The following HCFC1 variants were observed in gnomAD, a reference collection of about 807,000 sequenced individuals.
HCFC1 encodes host cell factor 1.
HCFC1 carries 7 observed loss-of-function variants against 105.5 expected under a neutral mutation model. The observed-to-expected ratio is 0.07, with a 90% CI of 0.04 to 0.12. The LOEUF (loss-of-function observed/expected upper bound fraction) is 0.12, where lower values mean the gene tolerates loss of function less well. Among genes scored for constraint, HCFC1 ranks in the 10% least tolerant of loss-of-function variants. HCFC1 has a pLI of 1.00. For synonymous variants in HCFC1, 918 were observed against 828.1 expected (o/e 1.11, Z -1.86); for missense variants, 1,065 against 1,823.6 (o/e 0.58, Z 7.58).
chrX:153,951,887 G>C lies in HCFC1; in HGVS notation c.5214C>G (p.Gly1738=), dbSNP rs1285115874. The C allele has an allele frequency of 8.4e-7, 1 of 1,194,214 alleles. No individual in the cohort carries two copies. The highest frequency in any genetic ancestry group is 1.1e-6 in the Non-Finnish European group (1 of 885,371). ...GCAGCGCCACAGTGCTGGGGACCGT[G>C]CCGGCCAGCTCATTGAGGCAATTGC... The part of the protein sequence containing the change: ...IESNCLNELA[G]TVPSTVALLP... The change falls in exon 20 of 26, where the codon GGC becomes GGG. Residue 1738 remains glycine (G), a synonymous_variant. Transcript: ENST00000310441.
intron 10 of HCFC1, 125 bp downstream of exon 10, chrX:153,958,444 G>A (rs782434902): frequency 4.2e-5 from 30 of 722,885 alleles, no homozygotes; most frequent in Non-Finnish European, 6.1e-5. Context: ...GCTCTCACCT[G>A]AGGCCATGAC....
At chrX:153,963,499 A>G in intron 3 of HCFC1, 66 bp from the exon 4 acceptor site, 2 of 779,739 alleles carry the variant, frequency 2.6e-6, no homozygotes, top group South Asian at 2.3e-5. Context: ...CTGGATGGCT[A>G]TCAGTGAGTG....
intron 25 of HCFC1, 34 bp downstream of exon 25, chrX:153,949,519 C>G: frequency 8.4e-7 from 1 of 1,196,999 alleles, no homozygotes; most frequent in Non-Finnish European, 1.1e-6. Flanking sequence ...CACCCCTAGT[C>G]TCAGAAGGTT....
In HCFC1 at chrX:153,965,946, C is replaced by A. The variant is rs371170192; in HGVS notation, c.194-1220G>T. Reference sequence around the variant, plus strand: ...CACTCTGGTCCCACCCAGTCTCACACTGTCACCCCCAGGGCTCAATGCGGA... The same window carrying A: ...CACTCTGGTCCCACCCAGTCTCACAATGTCACCCCCAGGGCTCAATGCGGA... On this transcript the variant is annotated intron_variant, in intron 1 of 25. Coordinates refer to ENST00000310441, the MANE Select transcript of HCFC1 (RefSeq NM_005334.3). Among the ~76,000 whole-genome samples the A allele has an allele frequency of 1.6e-4, 18 of 112,424 alleles. No homozygotes were observed. The East Asian group carries it at 4.5e-3, about 28-fold the overall frequency.
intron 1 of HCFC1, among the ~76,000 whole-genome samples, chrX:153,966,110 TG>T (rs2065471868): frequency 8.9e-6 from 1 of 112,261 alleles, no homozygotes; most frequent in East Asian, 2.8e-4. Flanking sequence ...CTCAGGAGGC[TG>T]AGGCGGGAGG....
At chrX:153,957,757 G>C (rs782040728) in intron 12 of HCFC1, 25 bp downstream of exon 12, 9 of 1,115,567 alleles carry the variant, frequency 8.1e-6, no homozygotes, top group Admixed American at 4.5e-5. Flanking sequence ...CCACTCTTGC[G>C]TATGTGCAAA....
rs1282941705 is a variant in HCFC1 at position 153,971,319 on chromosome X, C to G, written c.-479G>C. 6.7e-6 allele frequency: 2 copies of G among 297,528 alleles called. No homozygotes were observed. Among genetic ancestry groups the G allele is most frequent in the African/African-American group, 5.4e-5 (2 of 36,812 alleles). 24.5% of individuals were successfully genotyped at this position (297,528 alleles called of 1,213,427 possible). A position where few individuals can be genotyped will look rare whatever the true frequency, so the allele number is the denominator to read the frequency against. On this transcript the variant is annotated 5_prime_UTR_variant, in exon 1 of 26. Coordinates refer to ENST00000310441, the MANE Select transcript of HCFC1 (RefSeq NM_005334.3). ...GGAAAGGAGCCACAAGCGCCGCGGTCGTCGCAGCCCCGCCGGCGCTCAGAC... is the reference window on the plus strand; with the variant it reads ...GGAAAGGAGCCACAAGCGCCGCGGTGGTCGCAGCCCCGCCGGCGCTCAGAC...
At chrX:153,962,084 G>A in intron 5 of HCFC1, 138 bp downstream of exon 5, 1 of 478,460 alleles carries the variant, frequency 2.1e-6, no homozygotes, top group East Asian at 3.7e-5. Flanking sequence ...TGGAAAAACA[G>A]GGCTGCCAAA....
At chrX:153,955,928 C>T (rs1343967257) in intron 16 of HCFC1, among the ~76,000 whole-genome samples, 4 of 113,390 alleles carry the variant, frequency 3.5e-5, no homozygotes, top group Non-Finnish European at 5.6e-5. Flanking sequence ...CGAGCTGCGG[C>T]GTCCTGTAGA....
At chrX:153,964,914 G>C (rs1377491977) in intron 1 of HCFC1, among the ~76,000 whole-genome samples, 188 bp from the exon 2 acceptor site, 2 of 112,272 alleles carry the variant, frequency 1.8e-5, no homozygotes, top group African/African-American at 6.5e-5. Flanking sequence ...CAGTGCAAAA[G>C]AGCCTGTGAC....
chrX:153,958,781 G>A lies in HCFC1; in HGVS notation c.1606-15C>T, dbSNP rs782338068. On this transcript the variant is annotated splice_polypyrimidine_tract_variant and intron_variant, in intron 9 of 25. Coordinates refer to ENST00000310441, the MANE Select transcript of HCFC1 (RefSeq NM_005334.3). The stretch of plus-strand genomic sequence containing the variant: ...CTGCCAATCACCTGCAGCAGGCACG[G>A]GCATGTGAGGCCAGGTCACAGGTGC... 16 of 1,130,124 alleles carry A rather than the reference G, an allele frequency of 1.4e-5. No homozygotes were observed. The highest frequency in any genetic ancestry group is 1.9e-5 in the Non-Finnish European group (16 of 846,397). 93.1% of individuals were successfully genotyped at this position (1,130,124 alleles called of 1,213,427 possible).
chrX:153,967,803 G>C (rs1168491151), intron 1 of HCFC1, among the ~76,000 whole-genome samples: 2 of 112,046 alleles, frequency 1.8e-5, no homozygotes, highest in Non-Finnish European at 3.8e-5. Flanking sequence ...CAATCAGGAA[G>C]TGACTGCAAG....
Position 153,952,806 on chromosome X carries a change from G to A in HCFC1, c.4650C>T (p.Ser1550=). ...GGCCCGAAGATGGCTCCCCTGTGCT[G>A]CTCAGATCCACGGCGGCCGGGAGCT... ...TPELPAAVDL[S]STGEPSSGQE... Residue 1550 remains serine (S), a synonymous_variant, in exon 19 of 26, where the codon AGC becomes AGT. Transcript: ENST00000310441. 2 of 1,204,135 alleles carry A rather than the reference G, an allele frequency of 1.7e-6. No homozygotes were observed. Among genetic ancestry groups the A allele is most frequent in the Non-Finnish European group, 2.2e-6 (2 of 891,589 alleles).
rs915629873 is a variant in HCFC1, at chrX:153,952,023, G to A, written c.5078C>T (p.Ala1693Val). 1.0e-5 allele frequency: 12 copies of A among 1,197,689 alleles called. No homozygotes were observed. The highest frequency in any genetic ancestry group is 1.3e-5 in the Non-Finnish European group (12 of 888,909). The change falls in exon 20 of 26, where the codon GCC becomes GTC. Residue 1693 changes from alanine (A) to valine (V), a missense_variant. By Grantham distance (64) the Ala-to-Val change is moderately conservative (BLOSUM62 0). Around this residue, in one of 17 missense-constraint regions of HCFC1, gnomAD observed 115 missense variants for 143.7 expected, o/e 0.80. Coordinates refer to ENST00000310441, the MANE Select transcript of HCFC1 (RefSeq NM_005334.3). ...CTGCAGCTGCTGCTGCTGCACCAGG[G>A]CAGCCAGCTCCTGCTGTGTCAGCAC... is the stretch of plus-strand genomic sequence containing the variant. ...PIVLTQQELA[A>V]LVQQQQLQEA...
Position 153,957,385 on chromosome X carries a change from G to A in HCFC1, c.2282C>T (p.Thr761Ile). 1.7e-6 allele frequency: 2 copies of A among 1,208,652 alleles called. No individual in the cohort carries two copies. Among genetic ancestry groups the A allele is most frequent in the Non-Finnish European group, 2.2e-6 (2 of 893,307 alleles). The change falls in exon 13 of 26, where the codon ACC (threonine) becomes ATC (isoleucine). Residue 761 changes from threonine (T) to isoleucine (I), a missense_variant. This residue lies in a region of HCFC1 where 137 missense variants were observed against 378.2 expected (regional missense o/e 0.36). Transcript: ENST00000310441. ...GATGATGGTGGTCGTGCCGGGCTTG[G>A]TGGTACTGGGGGAGACGCTGCTGAT... ...LGISSVSPST[T>I]KPGTTTIIKT... is the part of the protein sequence containing the mutation.
At chrX:153,970,499 G>C (rs1468613516) in intron 1 of HCFC1, 149 bp downstream of exon 1, 1 of 392,642 alleles carries the variant, frequency 2.5e-6, no homozygotes, top group Non-Finnish European at 4.3e-6. Flanking sequence ...GGGAGGAGGG[G>C]AGAGAGAGAG....
At chrX:153,970,177 G>A (rs1312290311) in intron 1 of HCFC1, 1 of 110,402 alleles carries the variant, frequency 9.1e-6, no homozygotes, top group Non-Finnish European at 1.9e-5. Context: ...GGGAGGGAGG[G>A]GAGCTCTGCC....
rs782806233 is a variant in HCFC1, at chrX:153,950,951, C to T, written c.5565G>A (p.Glu1855=). Residue 1855 remains glutamate (E), a synonymous_variant, in exon 23 of 26, where the codon GAG becomes GAA. Transcript: ENST00000310441. ...ACTTATAGGCTGTGCCTGGCTGCAG[C>T]TCCTGCTTCTTCAGCTGGTTATAGT... ...VPDYNQLKKQ[E]LQPGTAYKFR... is the part of the protein sequence containing the mutation. 1.3e-5 allele frequency: 16 copies of T among 1,209,821 alleles called. No individual in the cohort carries two copies. The highest frequency in any genetic ancestry group is 2.2e-5 in the Admixed American group (1 of 45,939).
At chrX:153,967,946 G>A (rs1569547021) in intron 1 of HCFC1, among the ~76,000 whole-genome samples, 1 of 111,554 alleles carries the variant, frequency 9.0e-6, no homozygotes, top group East Asian at 2.8e-4. Flanking sequence ...CCCAAAGACA[G>A]GTGGCAGAAC....
Sources: allele counts gnomAD v4.1 joint callset (sites outside exome capture counted in the v4.1 genomes callset), GRCh38; gene constraint gnomAD v4.1.1; regional missense constraint gnomAD v4.1.1; transcripts MANE v1.5; gene names NCBI Gene and HGNC (gene_info 2026-07-23, HGNC 2026-07-21).